Variants in SREBF1 observed in about 807,000 individuals in gnomAD.
SREBF1 encodes sterol regulatory element binding transcription factor 1, also known as sterol regulatory element-binding protein 1.
A neutral mutation model predicts 100.1 loss-of-function variants in SREBF1; 45 were observed. That is an observed-to-expected ratio of 0.45 (90% CI 0.35 to 0.58). The LOEUF (loss-of-function observed/expected upper bound fraction) is 0.58, where lower values mean the gene tolerates loss of function less well. Ranked by LOEUF, SREBF1 falls within the 20% of genes least tolerant of loss-of-function variation. The pLI, the probability that SREBF1 is intolerant of heterozygous loss-of-function variation, is 0.00. For missense variants in SREBF1, 1,324 were observed against 1,539.4 expected (o/e 0.86, Z 2.34); for synonymous variants, 657 against 681.8 (o/e 0.96, Z 0.57).
At position 17,819,820 on chromosome 17, in the gene SREBF1, G is replaced by C. The variant is rs1481945982; in HGVS notation, c.524-95C>G. On this transcript the variant is annotated intron_variant, in intron 2 of 18. Coordinates refer to ENST00000261646, the MANE Select transcript of SREBF1 (RefSeq NM_004176.5). ...TCTATCACCGACTGGCCTTGGATGA[G>C]TCATTGCCCCATGTGGCTTCCTATG... The C allele has an allele frequency of 2.1e-6, 3 of 1,443,276 alleles. No homozygotes were observed. In the African/African-American group the frequency reaches 4.2e-5, roughly 20 times the overall value. 89.4% of individuals were successfully genotyped at this position (1,443,276 alleles called of 1,614,324 possible).
chr17:17,833,464 TATATATATATAC>T (rs2035026981), intron 1 of SREBF1, among the ~76,000 whole-genome samples: 1 of 125,964 alleles, frequency 7.9e-6, no homozygotes, highest in Non-Finnish European at 1.6e-5. Context: ...TATATATATA[TATATATATATAC>T]ACACACACAT....
chr17:17,813,420 G>A lies in SREBF1; in HGVS notation c.3162C>T (p.His1054=), dbSNP rs1445316298. The A allele has an allele frequency of 4.4e-6, 7 of 1,601,800 alleles. No individual in the cohort carries two copies. The Admixed American group carries it at 6.8e-5, about 16-fold the overall frequency. Residue 1054 remains histidine (H), a synonymous_variant, in exon 18 of 19, where the codon CAC becomes CAT. Transcript: ENST00000261646. ...LMAGASPTRT[H]QLLDRSLRRR... is the part of the protein sequence containing the mutation. ...GCCTCAGACTGCGGTCGAGGAGCTG[G>A]TGTGTCCGTGTGGGGCTGGCCCCCG... is the stretch of plus-strand genomic sequence containing the variant.
In SREBF1 at chr17:17,823,730, CG is replaced by C. The variant is rs541913785; in HGVS notation, c.92-3210del. ...GCAGGTCCCGCCCCGCCCCGCCCTT[CG>C]GGGCTGCGGGCCGGGCATGGGGTGA... On this transcript the variant is annotated intron_variant, in intron 1 of 18. Transcript: ENST00000261646. 4.2e-3 allele frequency: 1,556 copies of C among 370,392 alleles called. 24 individuals are homozygous for C. The highest frequency in any genetic ancestry group is 0.031 in the African/African-American group (1,361 of 44,086). The allele number at this position is 370,392 out of a possible 1,614,324, so 22.9% of individuals were successfully genotyped here. A position where few individuals can be genotyped will look rare whatever the true frequency, so the allele number is the denominator to read the frequency against.
intron 1 of SREBF1, among the ~76,000 whole-genome samples, chr17:17,823,153 G>T (rs780896062): frequency 8.5e-5 from 13 of 152,214 alleles, no homozygotes; most frequent in Non-Finnish European, 1.8e-4. Context: ...AGGCAGGGGT[G>T]CTGAATAGGG....
chr17:17,822,007 T>A (rs192662966), intron 1 of SREBF1, among the ~76,000 whole-genome samples: 31 of 152,298 alleles, frequency 2.0e-4, no homozygotes, highest in African/African-American at 7.0e-4. Context: ...TGGCCTAAGT[T>A]CTTATAGAGT....
intron 16 of SREBF1, 163 bp from the exon 17 acceptor site, chr17:17,813,932 C>T (rs953613844): frequency 2.0e-5 from 16 of 793,794 alleles, no homozygotes; most frequent in Middle Eastern, 3.6e-4. Flanking sequence ...GGCCGCCCGC[C>T]TCTCTCGGCC....
At position 17,812,862 on chromosome 17, in the gene SREBF1, G is replaced by A. The variant is rs750536079; in HGVS notation, c.3215-11C>T. 15 of 1,473,754 alleles carry A rather than the reference G, an allele frequency of 1.0e-5. No individual in the cohort carries two copies. The highest frequency in any genetic ancestry group is 5.2e-5 in the Admixed American group (2 of 38,794). The allele number at this position is 1,473,754 out of a possible 1,614,324, so 91.3% of individuals were successfully genotyped here. Reference sequence around the variant, plus strand: ...GCTCCGCCACCGCGCCTGCGCACACGAGGATGTGTCAGGGATGGGTCTCAA... The same window carrying A: ...GCTCCGCCACCGCGCCTGCGCACACAAGGATGTGTCAGGGATGGGTCTCAA... On this transcript the variant is annotated splice_polypyrimidine_tract_variant and intron_variant, in intron 18 of 18. Transcript: ENST00000261646.
At chr17:17,836,595 G>A (rs1439096100) in intron 1 of SREBF1, 132 bp downstream of exon 1, 2 of 904,424 alleles carry the variant, frequency 2.2e-6, no homozygotes, top group Admixed American at 2.2e-5. Context: ...CGAGCTCAGA[G>A]ACACCGGGAA....
intron 1 of SREBF1, among the ~76,000 whole-genome samples, chr17:17,834,025 CACAGAG>C (rs1243959108): frequency 1.4e-5 from 2 of 147,510 alleles, no homozygotes; most frequent in Admixed American, 6.7e-5. Flanking sequence ...CATATAAACA[CACAGAG>C]AGAGAGAGAG....
At chr17:17,816,424 G>A (rs1453443877) in intron 10 of SREBF1, 33 bp downstream of exon 10, 2 of 1,601,812 alleles carry the variant, frequency 1.2e-6, no homozygotes, top group Admixed American at 3.4e-5. Flanking sequence ...GCAGCAGGGA[G>A]CACCTCGGAG....
Position 17,820,269 on chromosome 17 carries a change from G to A in SREBF1, c.344C>T (p.Ala115Val), listed in dbSNP as rs368488019. ...TPLKMYPSMP[A>V]FSPGPGIKEE... ...CTTGATACCAGGCCCAGGGGAGAAA[G>A]CGGGCATGGACGGGTACATCTTCAA... is the stretch of plus-strand genomic sequence containing the variant. The change falls in exon 2 of 19, where the codon GCT (alanine) becomes GTT (valine). Residue 115 changes from alanine to valine, a missense_variant. Transcript: ENST00000261646. The A allele has an allele frequency of 2.4e-5, 39 of 1,613,858 alleles. No individual in the cohort carries two copies. The highest frequency in any genetic ancestry group is 3.1e-5 in the Non-Finnish European group (37 of 1,180,014).
intron 1 of SREBF1, among the ~76,000 whole-genome samples, chr17:17,825,468 G>A (rs539465970): frequency 3.3e-5 from 5 of 152,258 alleles, no homozygotes; most frequent in African/African-American, 1.2e-4. Flanking sequence ...CTTGGGCAGA[G>A]GGCACAGACT....
rs754856257 is a variant in SREBF1, at chr17:17,819,032, A to G, written c.1049T>C (p.Val350Ala). ...NDKIIELKDL[V>A]VGTEAKLNKS... is the part of the protein sequence containing the mutation. ...CCACACCTTTGCCTCAGTGCCCACC[A>G]CCAGATCCTTGAGCTCAATGATTTT... The change falls in exon 5 of 19, where the codon GTG becomes GCG. Residue 350 changes from valine (V) to alanine (A), a missense_variant. Coordinates refer to ENST00000261646, the MANE Select transcript of SREBF1 (RefSeq NM_004176.5). 1.2e-5 allele frequency: 19 copies of G among 1,613,536 alleles called. No homozygotes were observed. Among genetic ancestry groups the G allele is most frequent in the Non-Finnish European group, 1.6e-5 (19 of 1,180,020 alleles).
chr17:17,814,634 G>A lies in SREBF1; in HGVS notation c.2716C>T (p.Arg906Trp), dbSNP rs1459664498. The A allele has an allele frequency of 6.5e-6, 10 of 1,546,900 alleles. No homozygotes were observed. Among genetic ancestry groups the A allele is most frequent in the East Asian group, 2.4e-5 (1 of 41,262 alleles). ...RLCPLVEHLP[R>W]VLQESERPLP... ...ACTCACTCAGACTCCTGCAGCACCCGGGGCAGGTGCTCCACCAGCGGGCAC... is the reference window on the plus strand; with the variant it reads ...ACTCACTCAGACTCCTGCAGCACCCAGGGCAGGTGCTCCACCAGCGGGCAC... Residue 906 changes from arginine to tryptophan, a missense_variant, in exon 15 of 19, where the codon CGG becomes TGG. Arg to Trp is a moderately radical substitution (Grantham distance 101). Transcript: ENST00000261646.
At chr17:17,823,616 G>A (rs1472414253) in intron 1 of SREBF1, 1 of 1,607,102 alleles carries the variant, frequency 6.2e-7, no homozygotes, top group East Asian at 2.2e-5. Flanking sequence ...ACCTGTCAAG[G>A]CGCGGCGGAT....
At chr17:17,834,015 CAT>C (rs2035068732) in intron 1 of SREBF1, among the ~76,000 whole-genome samples, 1 of 114,362 alleles carries the variant, frequency 8.7e-6, no homozygotes, top group Non-Finnish European at 1.9e-5. Flanking sequence ...TCCCCAAACA[CAT>C]ATAAACACAC....
chr17:17,836,886 G>T lies in SREBF1; in HGVS notation c.-69C>A. On this transcript the variant is annotated 5_prime_UTR_variant, in exon 1 of 19. Transcript: ENST00000261646. ...CGTACGGCCCTTCCTAGGGAGCGCC[G>T]CCGCGGCCCCGGCTCTCAGTCGCCG... The T allele has an allele frequency of 2.2e-6, 3 of 1,388,270 alleles. No individual in the cohort carries two copies. The highest frequency in any genetic ancestry group is 2.8e-6 in the Non-Finnish European group (3 of 1,061,048). 86.0% of individuals were successfully genotyped at this position (1,388,270 alleles called of 1,614,324 possible). A position where few individuals can be genotyped will look rare whatever the true frequency, so the allele number is the denominator to read the frequency against.
In SREBF1 at chr17:17,818,248, G is replaced by T; in HGVS notation, c.1183+12C>A. On this transcript the variant is annotated intron_variant, in intron 6 of 18. Transcript: ENST00000261646. ...AGAGGCCAGACTGGAGCTCAATAAA[G>T]CCAGGACTCACTGCTTTTGTGGACA... is the stretch of plus-strand genomic sequence containing the variant. The T allele has an allele frequency of 1.9e-6, 3 of 1,609,500 alleles. No homozygotes were observed. Among genetic ancestry groups the T allele is most frequent in the Non-Finnish European group, 2.6e-6 (3 of 1,176,118 alleles).
At chr17:17,818,908 C>G (rs1270149324) in intron 5 of SREBF1, 105 bp downstream of exon 5, 1 of 1,364,984 alleles carries the variant, frequency 7.3e-7, no homozygotes, top group Non-Finnish European at 1.0e-6. Flanking sequence ...TTCCAATTCC[C>G]TGCTTGTCCA....
Sources: gnomAD v4.1 joint callset for allele counts (sites outside exome capture counted in the v4.1 genomes callset) on GRCh38, gnomAD v4.1.1 for gene constraint, MANE v1.5 for transcripts, NCBI Gene and HGNC (gene_info 2026-07-23, HGNC 2026-07-21) for gene names.